Variants in SLC22A12 observed in about 807,000 individuals in gnomAD.
The protein encoded by SLC22A12 is organic anion transporter 4-like protein.
Under a neutral mutation model 52.7 loss-of-function variants are expected in SLC22A12, and 56 were observed. The ratio of observed to expected loss-of-function variants is 1.06; its 90% CI spans 0.86 to 1.33. The LOEUF is 1.33. SLC22A12 is among the 40% of genes most tolerant of loss of function. SLC22A12 has a pLI of 0.00. For synonymous variants in SLC22A12, 337 were observed against 324.6 expected, an observed-to-expected ratio of 1.04 and a Z score of -0.41; for missense variants, 683 against 741.5, an observed-to-expected ratio of 0.92 and a Z score of 0.92.
At chr11:64,595,922 AGATGGATGGATGGATGGATGGAT>A (rs1269513565) in intron 4 of SLC22A12, among the ~76,000 whole-genome samples, 1 of 92,836 alleles carries the variant, frequency 1.1e-5, no homozygotes, top group Non-Finnish European at 2.0e-5. Flanking sequence ...TGGTTGGAAA[AGATGGATGGATGGATGGATGGAT>A]GGATGGATGG....
At chr11:64,593,052 G>C (rs1243325558) in intron 2 of SLC22A12, among the ~76,000 whole-genome samples, 170 bp downstream of exon 2, 1 of 152,224 alleles carries the variant, frequency 6.6e-6, no homozygotes, top group African/African-American at 2.4e-5. Flanking sequence ...AGGTAGGGAG[G>C]TCTGGAACCT....
chr11:64,601,841 A>G lies in SLC22A12; in HGVS notation c.*290A>G, dbSNP rs1457585711. Reference sequence around the variant, plus strand: ...TTCGGAGAGCAGAGGGGTCAGGCCCAGGGGAACGAGCTGGCCTTGCCAACC... The same window carrying G: ...TTCGGAGAGCAGAGGGGTCAGGCCCGGGGGAACGAGCTGGCCTTGCCAACC... On this transcript the variant is annotated 3_prime_UTR_variant, in exon 10 of 10. Transcript: ENST00000377574. 1.4e-5 allele frequency: 6 copies of G among 430,194 alleles called. No homozygotes were observed. In the Admixed American group the frequency reaches 1.8e-4, roughly 13 times the overall value. 26.6% of individuals were successfully genotyped at this position (430,194 alleles called of 1,614,324 possible).
At chr11:64,592,077 C>G (rs7118722) in intron 1 of SLC22A12, 119 bp downstream of exon 1, 3 of 1,448,604 alleles carry the variant, frequency 2.1e-6, no homozygotes, top group East Asian at 2.5e-5. Flanking sequence ...GCCCCACTCA[C>G]TCTCGAGCCT....
At chr11:64,593,869 G>T in intron 4 of SLC22A12, 66 bp downstream of exon 4, 1 of 1,563,864 alleles carries the variant, frequency 6.4e-7, no homozygotes, top group Non-Finnish European at 8.6e-7. Context: ...GGGGGAATGG[G>T]AGACTCTCCT....
At chr11:64,594,592 G>T (rs1028846993) in intron 4 of SLC22A12, among the ~76,000 whole-genome samples, 1 of 152,218 alleles carries the variant, frequency 6.6e-6, no homozygotes, top group Non-Finnish European at 1.5e-5. Flanking sequence ...TGGGTGAGTT[G>T]GTGGATAGAT....
intron 2 of SLC22A12, 93 bp from the exon 3 acceptor site, chr11:64,593,312 G>C: frequency 6.3e-7 from 1 of 1,591,850 alleles, no homozygotes; most frequent in East Asian, 2.2e-5. Flanking sequence ...CAGCTCAGCG[G>C]GCAAGCATAG....
At chr11:64,595,366 G>A (rs1479635191) in intron 4 of SLC22A12, among the ~76,000 whole-genome samples, 14 of 47,214 alleles carry the variant, frequency 3.0e-4, no homozygotes, top group African/African-American at 5.5e-4. Flanking sequence ...TGGATGGATG[G>A]ATGGATGGAT....
chr11:64,597,465 T>A (rs1055531686), intron 4 of SLC22A12, among the ~76,000 whole-genome samples: 1 of 152,136 alleles, frequency 6.6e-6, no homozygotes, highest in African/African-American at 2.4e-5. Flanking sequence ...TTCCCCAGCG[T>A]GGGGAGCAGC....
intron 2 of SLC22A12, 81 bp from the exon 3 acceptor site, chr11:64,593,324 G>A (rs1040518200): frequency 3.1e-6 from 5 of 1,600,788 alleles, no homozygotes; most frequent in Non-Finnish European, 3.4e-6. Context: ...CAAGCATAGG[G>A]TGGGCTCTAG....
rs2039429919 is a variant in SLC22A12, at chr11:64,600,783, C to T, written c.1443C>T (p.Ile481=). The T allele has an allele frequency of 6.2e-7, 1 of 1,605,726 alleles. No individual in the cohort carries two copies. Among genetic ancestry groups the T allele is most frequent in the Non-Finnish European group, 8.5e-7 (1 of 1,179,904 alleles). ...AGATGGCAGCCCGTGGAGGAGCCAT[C>T]CTGGGGCCTCTGGTCCGGCTGCTGG... ...LGQMAARGGA[I]LGPLVRLLGV... Residue 481 remains isoleucine (I), a synonymous_variant, in exon 9 of 10, where the codon ATC becomes ATT. Transcript: ENST00000377574.
Position 64,593,482 on chromosome 11 carries a change from C to A in SLC22A12, c.584C>A (p.Ala195Asp). The A allele has an allele frequency of 6.2e-7, 1 of 1,614,176 alleles. No homozygotes were observed. The highest frequency in any genetic ancestry group is 8.5e-7 in the Non-Finnish European group (1 of 1,180,050). The change falls in exon 3 of 10, where the codon GCC (alanine) becomes GAC (aspartate). Residue 195 changes from alanine to aspartate, a missense_variant. Transcript: ENST00000377574. ...GGTACGGCAGCTGCCTTCGCCCCTGCCTTCCCCGTGTACTGCCTGTTCCGC... is the reference window on the plus strand; with the variant it reads ...GGTACGGCAGCTGCCTTCGCCCCTGACTTCCCCGTGTACTGCCTGTTCCGC... ...VMGTAAAFAP[A>D]FPVYCLFRFL...
At position 64,599,725 on chromosome 11, in the gene SLC22A12, C is replaced by T; in HGVS notation, c.1120C>T (p.Leu374=). 6.2e-7 allele frequency: 1 copy of T among 1,611,458 alleles called. No individual in the cohort carries two copies. The highest frequency in any genetic ancestry group is 1.1e-5 in the South Asian group (1 of 90,994). Residue 374 remains leucine, a synonymous_variant, in exon 7 of 10, where the codon CTG becomes TTG. Coordinates refer to ENST00000377574, the MANE Select transcript of SLC22A12 (RefSeq NM_144585.4). The part of the protein sequence containing the change: ...FFGLALDLQA[L]GSNIFLLQMF... The stretch of plus-strand genomic sequence containing the variant: ...CGGCCTGGCCCTGGACCTGCAGGCC[C>T]TGGGCAGCAACATCTTCCTGCTCCA...
chr11:64,591,450 C>T lies in SLC22A12; in HGVS notation c.-107C>T. On this transcript the variant is annotated 5_prime_UTR_variant, in exon 1 of 10. Coordinates refer to ENST00000377574, the MANE Select transcript of SLC22A12 (RefSeq NM_144585.4). ...AGCCTAGCCGCTGGGCTGGAGAAGC[C>T]ACTGTGGGCACCACCGTGGGGGAAA... The T allele has an allele frequency of 6.8e-7, 1 of 1,480,184 alleles. No homozygotes were observed. The highest frequency in any genetic ancestry group is 1.2e-5 in the South Asian group (1 of 85,008). 91.7% of individuals were successfully genotyped at this position (1,480,184 alleles called of 1,614,324 possible).
intron 2 of SLC22A12, 84 bp downstream of exon 2, chr11:64,592,966 G>A: frequency 7.6e-7 from 1 of 1,315,622 alleles, no homozygotes; most frequent in Non-Finnish European, 1.1e-6. Flanking sequence ...CCCCAAACCA[G>A]CCTCACAAAA....
intron 1 of SLC22A12, 83 bp downstream of exon 1, chr11:64,592,041 G>A: frequency 1.3e-6 from 2 of 1,548,962 alleles, no homozygotes; most frequent in Admixed American, 3.8e-5. Context: ...CAAAGGTCCA[G>A]TCCTGGGAGG....
rs892771303 is a variant in SLC22A12 at position 64,601,970 on chromosome 11, C to A, written c.*419C>A. The A allele has an allele frequency of 1.6e-5, 5 of 317,066 alleles. No individual in the cohort carries two copies. The highest frequency in any genetic ancestry group is 1.1e-4 in the African/African-American group (5 of 46,324). The allele number at this position is 317,066 out of a possible 1,614,324, so 19.6% of individuals were successfully genotyped here. A position where few individuals can be genotyped will look rare whatever the true frequency, so the allele number is the denominator to read the frequency against. On this transcript the variant is annotated 3_prime_UTR_variant, in exon 10 of 10. Transcript: ENST00000377574. ...GGTCAAGACCTCTCCTAGCTCCACACAAGCAGTAGAGTCTCAGCTCCACAG... is the reference window on the plus strand; with the variant it reads ...GGTCAAGACCTCTCCTAGCTCCACAAAAGCAGTAGAGTCTCAGCTCCACAG...
chr11:64,601,848 C>T lies in SLC22A12; in HGVS notation c.*297C>T, dbSNP rs557608452. The T allele has an allele frequency of 6.2e-5, 26 of 420,506 alleles. No homozygotes were observed. Among genetic ancestry groups the T allele is most frequent in the Middle Eastern group, 7.4e-4 (1 of 1,360 alleles). 26.0% of individuals were successfully genotyped at this position (420,506 alleles called of 1,614,324 possible). ...AGCAGAGGGGTCAGGCCCAGGGGAA[C>T]GAGCTGGCCTTGCCAACCCTCTGCT... On this transcript the variant is annotated 3_prime_UTR_variant, in exon 10 of 10. Transcript: ENST00000377574.
rs773080232 is a variant in SLC22A12, at chr11:64,600,396, G to A, written c.1315G>A (p.Val439Met). 1.7e-5 allele frequency: 28 copies of A among 1,607,176 alleles called. No individual in the cohort carries two copies. The highest frequency in any genetic ancestry group is 4.5e-5 in the East Asian group (2 of 44,822). Residue 439 changes from valine (V) to methionine (M), a missense_variant, in exon 8 of 10, where the codon GTG becomes ATG. Coordinates refer to ENST00000377574, the MANE Select transcript of SLC22A12 (RefSeq NM_144585.4). ...GGGGGCTCTGCGCTCAGCCTTGGCC[G>A]TGCTGGGGCTGGGCGGGGTGGGGGC... Reference protein sequence around the residue: ...EMGALRSALAVLGLGGVGAAF... With the variant: ...EMGALRSALAMLGLGGVGAAF...
intron 4 of SLC22A12, among the ~76,000 whole-genome samples, 195 bp from the exon 5 acceptor site, chr11:64,598,321 A>G (rs1435258146): frequency 2.0e-5 from 3 of 152,114 alleles, no homozygotes; most frequent in Non-Finnish European, 4.4e-5. Context: ...GGAGGGAGAA[A>G]GGCAGCAGAA....
Sources: allele counts gnomAD v4.1 joint callset (sites outside exome capture counted in the v4.1 genomes callset), GRCh38; gene constraint gnomAD v4.1.1; transcripts MANE v1.5; gene names NCBI Gene and HGNC (gene_info 2026-07-23, HGNC 2026-07-21).